The following SEMA4D variants were observed in gnomAD, a reference collection of about 807,000 sequenced individuals.
SEMA4D encodes the protein semaphorin-4D.
A neutral mutation model predicts 74.8 loss-of-function variants in SEMA4D; 22 were observed. The observed-to-expected ratio is 0.29, with a 90% CI of 0.21 to 0.42. The LOEUF is 0.42. Among genes scored for constraint, SEMA4D ranks in the 10% least tolerant of loss-of-function variants. The probability of loss-of-function intolerance (pLI) is 1.00; values close to 1 mark genes in which losing one functional copy is unlikely to be tolerated. For synonymous variants in SEMA4D, 445 were observed against 463.7 expected (o/e 0.96, Z 0.52); for missense variants, 937 against 1,118.4 (o/e 0.84, Z 2.31).
At chr9:89,385,980 T>C (rs1229852922) in intron 13 of SEMA4D, 18 of 984,722 alleles carry the variant, frequency 1.8e-5, no homozygotes, top group South Asian at 4.7e-5. Flanking sequence ...TCTTGTGGAT[T>C]TTCCACGGTG....
At chr9:89,391,552 C>A in intron 8 of SEMA4D, 137 bp from the exon 9 acceptor site, 1 of 784,542 alleles carries the variant, frequency 1.3e-6, no homozygotes, top group Non-Finnish European at 2.1e-6. Flanking sequence ...GTGCACATGC[C>A]ACAATCCAAA....
intron 6 of SEMA4D, among the ~76,000 whole-genome samples, chr9:89,395,456 G>A (rs544586329): frequency 1.3e-5 from 2 of 151,794 alleles, no homozygotes; most frequent in African/African-American, 4.8e-5. Context: ...AAAATTATAG[G>A]TCTAAATTTA....
At chr9:89,390,813 AGT>A (rs772056247) in intron 9 of SEMA4D, among the ~76,000 whole-genome samples, 31 of 152,134 alleles carry the variant, frequency 2.0e-4, no homozygotes, top group Non-Finnish European at 4.3e-4. Flanking sequence ...CTGTGCCTAC[AGT>A]GTGTCATTTT....
In SEMA4D at chr9:89,429,875, C is replaced by T. The variant is rs78611338; in HGVS notation, c.-243-24176G>A. Reference sequence around the variant, plus strand: ...ACATGGTGGATGGAGTGGCCAGTTACGTGCTCAGAAGAATGCAGCTGTGGG... The same window carrying T: ...ACATGGTGGATGGAGTGGCCAGTTATGTGCTCAGAAGAATGCAGCTGTGGG... On this transcript the variant is annotated intron_variant, in intron 2 of 15. Transcript: ENST00000422704. 9.0e-3 allele frequency among the ~76,000 whole-genome samples: 1,365 copies of T among 152,192 alleles called. 20 individuals are homozygous for T. Among genetic ancestry groups the T allele is most frequent in the African/African-American group, 0.031 (1,271 of 41,502 alleles).
At chr9:89,450,656 C>A (rs1854157469) in intron 2 of SEMA4D, 5 of 302,412 alleles carry the variant, frequency 1.7e-5, no homozygotes, top group Non-Finnish European at 2.6e-5. Context: ...GTCGAAAAAC[C>A]CAGGAAAAAA....
At chr9:89,483,630 C>A (rs1474139899) in intron 1 of SEMA4D, among the ~76,000 whole-genome samples, 1 of 145,532 alleles carries the variant, frequency 6.9e-6, no homozygotes, top group Non-Finnish European at 1.5e-5. Context: ...GGGTTGCAAA[C>A]ACAGTTTTTC....
At chr9:89,465,539 A>G (rs1858467528) in intron 1 of SEMA4D, among the ~76,000 whole-genome samples, 1 of 152,180 alleles carries the variant, frequency 6.6e-6, no homozygotes, top group South Asian at 2.1e-4. Flanking sequence ...AATGTCTTGG[A>G]GCTAGAGGTT....
rs1347979315 is a variant in SEMA4D at position 89,377,320 on chromosome 9, T to C, written c.*1384A>G. ...AAAAATAAAAACAAGGTAAATCTTA[T>C]AAAACACAAATGTTTACACCAAAAT... is the stretch of plus-strand genomic sequence containing the variant. On this transcript the variant is annotated 3_prime_UTR_variant, in exon 16 of 16. Transcript: ENST00000422704. 3 of 401,376 alleles carry C rather than the reference T, an allele frequency of 7.5e-6. No homozygotes were observed. In the East Asian group the frequency reaches 1.3e-4, roughly 17 times the overall value. The allele number at this position is 401,376 out of a possible 1,614,324, so 24.9% of individuals were successfully genotyped here. A position where few individuals can be genotyped will look rare whatever the true frequency, so the allele number is the denominator to read the frequency against.
chr9:89,365,402 G>A (rs750522283), intron 16 of SEMA4D: 3 of 152,512 alleles, frequency 2.0e-5, no homozygotes, highest in Non-Finnish European at 2.9e-5. Flanking sequence ...CTGCTGCCTA[G>A]CGACCCGGCT....
At chr9:89,461,815 G>T (rs1432386002) in intron 1 of SEMA4D, among the ~76,000 whole-genome samples, 1 of 147,940 alleles carries the variant, frequency 6.8e-6, no homozygotes, top group African/African-American at 2.5e-5. Flanking sequence ...TGATTCTCCT[G>T]CCTCAGCCTC....
intron 1 of SEMA4D, among the ~76,000 whole-genome samples, chr9:89,474,601 T>C (rs1006850889): frequency 1.3e-5 from 2 of 152,198 alleles, no homozygotes; most frequent in African/African-American, 4.8e-5. Context: ...TGTGTACACT[T>C]CATTATCGTT....
chr9:89,368,160 G>A (rs1833972779), intron 16 of SEMA4D: 1 of 152,348 alleles, frequency 6.6e-6, no homozygotes, highest in African/African-American at 2.4e-5. Flanking sequence ...CCATGCATGT[G>A]GCCCACTCTG....
At chr9:89,369,967 C>T (rs1834288571) in intron 16 of SEMA4D, among the ~76,000 whole-genome samples, 1 of 150,678 alleles carries the variant, frequency 6.6e-6, no homozygotes, top group South Asian at 2.1e-4. Context: ...TTGGTGTGTG[C>T]AGTATGTGTG....
chr9:89,403,786 A>T (rs906218872), intron 3 of SEMA4D, among the ~76,000 whole-genome samples: 4 of 152,150 alleles, frequency 2.6e-5, no homozygotes, highest in Non-Finnish European at 5.9e-5. Flanking sequence ...CAGGTGGGCC[A>T]GGTGTGGTGG....
At chr9:89,431,685 A>T (rs1208821883) in intron 2 of SEMA4D, among the ~76,000 whole-genome samples, 1 of 151,824 alleles carries the variant, frequency 6.6e-6, no homozygotes, top group Non-Finnish European at 1.5e-5. Flanking sequence ...TTTTGTAGAG[A>T]TGGGGTCTTG....
At chr9:89,367,939 A>G (rs1359307928) in intron 16 of SEMA4D, 1 of 152,292 alleles carries the variant, frequency 6.6e-6, no homozygotes, top group African/African-American at 2.4e-5. Context: ...CAGGACCACC[A>G]TGGCTTCAGA....
intron 2 of SEMA4D, among the ~76,000 whole-genome samples, chr9:89,419,188 GA>G: frequency 6.6e-6 from 1 of 152,294 alleles, no homozygotes; most frequent in East Asian, 1.9e-4. Context: ...GATCAGAAAC[GA>G]TCACGATTCA....
chr9:89,443,420 G>T (rs796540272), intron 2 of SEMA4D, among the ~76,000 whole-genome samples: 1 of 152,206 alleles, frequency 6.6e-6, no homozygotes, highest in Admixed American at 6.5e-5. Flanking sequence ...ACCTCGAAGC[G>T]GGTGTACCAC....
intron 9 of SEMA4D, 24 bp from the exon 10 acceptor site, chr9:89,389,071 G>A (rs753183707): frequency 7.4e-6 from 12 of 1,613,300 alleles, no homozygotes. Flanking sequence ...AAGAAGACGT[G>A]GTGGGCCGAG....
Sources: allele counts gnomAD v4.1 joint callset (sites outside exome capture counted in the v4.1 genomes callset), GRCh38; gene constraint gnomAD v4.1.1; transcripts MANE v1.5; gene names NCBI Gene and HGNC (gene_info 2026-07-23, HGNC 2026-07-21).